Variants in KLHL36 observed in about 807,000 individuals in gnomAD.
KLHL36 encodes the protein kelch-like protein 36.
Under a neutral mutation model 53.3 loss-of-function variants are expected in KLHL36, and 35 were observed. That is an observed-to-expected ratio of 0.66 (90% CI 0.50 to 0.87). The LOEUF is 0.87. Among genes scored for constraint, KLHL36 ranks in the 40% least tolerant of loss-of-function variants. KLHL36 has a pLI of 0.00. For synonymous variants in KLHL36, 472 were observed against 398.9 expected (o/e 1.18, Z -2.18); for missense variants, 864 against 897.6 (o/e 0.96, Z 0.48).
Position 84,661,527 on chromosome 16 carries a change from G to T in KLHL36, c.1296-51G>T. On this transcript the variant is annotated intron_variant, in intron 4 of 4. Coordinates refer to ENST00000564996, the MANE Select transcript of KLHL36 (RefSeq NM_024731.4). The surrounding 1 kb of genome is among the most constrained non-coding windows in gnomAD (Gnocchi z 7.9). ...CTGTTCCCCGGCTCGGAGGGGGTAA[G>T]CCTGGCACAGCCCTGAGCTCTCCCT... 1 of 1,522,112 alleles carries T rather than the reference G, an allele frequency of 6.6e-7. No individual in the cohort carries two copies. The highest frequency in any genetic ancestry group is 8.9e-7 in the Non-Finnish European group (1 of 1,129,328). The allele number at this position is 1,522,112 out of a possible 1,614,324, so 94.3% of individuals were successfully genotyped here.
intron 4 of KLHL36, among the ~76,000 whole-genome samples, chr16:84,660,268 C>T (rs1021684142): frequency 3.3e-5 from 5 of 152,092 alleles, no homozygotes; most frequent in Non-Finnish European, 5.9e-5. Context: ...TAGATCTAAG[C>T]CTCAGGCATG....
chr16:84,656,985 C>T lies in KLHL36; in HGVS notation c.178C>T (p.His60Tyr), dbSNP rs1460603878. Residue 60 changes from histidine to tyrosine, a missense_variant, in exon 3 of 5, where the codon CAT (histidine) becomes TAT (tyrosine). Physicochemically the swap from His to Tyr is moderately conservative, Grantham distance 83. Coordinates refer to ENST00000564996, the MANE Select transcript of KLHL36 (RefSeq NM_024731.4). ...GGCCGATGAGCAGCGTGTGCCAGCC[C>T]ATCGCAACCTGCTGGCCGTGTGCAG... Reference protein sequence around the residue: ...LVADEQRVPAHRNLLAVCSDY... With the variant: ...LVADEQRVPAYRNLLAVCSDY... 6.2e-7 allele frequency: 1 copy of T among 1,614,044 alleles called. No individual in the cohort carries two copies. The highest frequency in any genetic ancestry group is 8.5e-7 in the Non-Finnish European group (1 of 1,180,034).
Position 84,657,795 on chromosome 16 carries a change from C to G in KLHL36, c.988C>G (p.Pro330Ala), listed in dbSNP as rs765750342. The change falls in exon 3 of 5, where the codon CCG becomes GCG. Residue 330 changes from proline to alanine, a missense_variant. By Grantham distance (27) the Pro-to-Ala change is conservative (BLOSUM62 -1). Transcript: ENST00000564996. ...AKSEQWVKET[P>A]LPARRSHHCV... Reference sequence around the variant, plus strand: ...GAGCGAGCAGTGGGTCAAAGAGACGCCGCTGCCCGCCCGGCGGAGCCACCA... The same window carrying G: ...GAGCGAGCAGTGGGTCAAAGAGACGGCGCTGCCCGCCCGGCGGAGCCACCA... 1 of 1,606,472 alleles carries G rather than the reference C, an allele frequency of 6.2e-7. No individual in the cohort carries two copies. The highest frequency in any genetic ancestry group is 1.1e-5 in the South Asian group (1 of 90,786).
At position 84,657,125 on chromosome 16, in the gene KLHL36, C is replaced by T. The variant is rs765796500; in HGVS notation, c.318C>T (p.Gly106=). Residue 106 remains glycine, a synonymous_variant, in exon 3 of 5, where the codon GGC becomes GGT. Coordinates refer to ENST00000564996, the MANE Select transcript of KLHL36 (RefSeq NM_024731.4). ...GLKAVVDFLY[G]GELVLDGGNI... is the part of the protein sequence containing the mutation. ...AGGCCGTGGTGGACTTCCTGTACGG[C>T]GGGGAGCTGGTGCTGGATGGCGGCA... 24 of 1,614,024 alleles carry T rather than the reference C, an allele frequency of 1.5e-5. No individual in the cohort carries two copies. In the Middle Eastern group the frequency reaches 4.9e-4, roughly 33 times the overall value.
At chr16:84,652,250 T>A (rs1173904279) in intron 2 of KLHL36, among the ~76,000 whole-genome samples, 1 of 152,176 alleles carries the variant, frequency 6.6e-6, no homozygotes, top group Non-Finnish European at 1.5e-5. Context: ...ACTAGGCTTC[T>A]GTATCACTGG....
chr16:84,651,290 T>A (rs561065413), intron 2 of KLHL36, among the ~76,000 whole-genome samples: 2 of 152,164 alleles, frequency 1.3e-5, no homozygotes, highest in Non-Finnish European at 2.9e-5. Context: ...GACAGGTCCA[T>A]TGAGAACCCA....
chr16:84,656,804 G>A, intron 2 of KLHL36, 67 bp from the exon 3 acceptor site: 3 of 1,138,420 alleles, frequency 2.6e-6, no homozygotes, highest in Non-Finnish European at 3.8e-6. Flanking sequence ...TGCTGGTCAG[G>A]ACCCACTGGG....
chr16:84,659,712 C>CTGT lies in KLHL36; in HGVS notation c.1138-47_1138-45dup, dbSNP rs750090889. 4 of 1,589,198 alleles carry CTGT rather than the reference C, an allele frequency of 2.5e-6. No individual in the cohort carries two copies. The South Asian group carries it at 4.5e-5, about 18-fold the overall frequency. On this transcript the variant is annotated intron_variant, in intron 3 of 4. Coordinates refer to ENST00000564996, the MANE Select transcript of KLHL36 (RefSeq NM_024731.4). The stretch of plus-strand genomic sequence containing the variant: ...GGAACCGCAGCGCCAGATGTTGATG[C>CTGT]TGTCCCGGGTTCGGGGAAGGGAAGG...
At chr16:84,653,926 T>C (rs1019789062) in intron 2 of KLHL36, among the ~76,000 whole-genome samples, 1 of 151,632 alleles carries the variant, frequency 6.6e-6, no homozygotes, top group Non-Finnish European at 1.5e-5. Context: ...CAGAAGCAGA[T>C]TGCAGCTGAT....
chr16:84,650,789 C>T, intron 1 of KLHL36, 63 bp from the exon 2 acceptor site: 4 of 1,191,354 alleles, frequency 3.4e-6, no homozygotes, highest in Admixed American at 1.9e-5. Flanking sequence ...GCTAGCAGGG[C>T]CTGAAATTAA....
At chr16:84,658,244 C>G in intron 3 of KLHL36, 1 of 282,730 alleles carries the variant, frequency 3.5e-6, no homozygotes, top group Non-Finnish European at 6.5e-6. Flanking sequence ...CCGCATGTGG[C>G]GACTGAGCAC....
rs1262531870 is a variant in KLHL36 at position 84,663,644 on chromosome 16, T to G, written c.*1511T>G. The G allele has an allele frequency of 1.3e-5, 2 of 152,258 alleles. No homozygotes were observed. Among genetic ancestry groups the G allele is most frequent in the Non-Finnish European group, 2.9e-5 (2 of 68,038 alleles). The allele number at this position is 152,258 out of a possible 1,614,324, so 9.4% of individuals were successfully genotyped here. On this transcript the variant is annotated 3_prime_UTR_variant, in exon 5 of 5. Transcript: ENST00000564996. Reference sequence around the variant, plus strand: ...TCCGAGAGCAGGTCTCGATGTCACTTGCCCTTTAAGAGGGCTCTCAGCTGC... The same window carrying G: ...TCCGAGAGCAGGTCTCGATGTCACTGGCCCTTTAAGAGGGCTCTCAGCTGC...
chr16:84,652,785 G>C, intron 2 of KLHL36, among the ~76,000 whole-genome samples: 1 of 152,176 alleles, frequency 6.6e-6, no homozygotes, highest in Non-Finnish European at 1.5e-5. Context: ...TCTTGTGTGT[G>C]GTTTCTTTTG....
In KLHL36 at chr16:84,662,176, A is replaced by G; in HGVS notation, c.*43A>G. Reference sequence around the variant, plus strand: ...GGGACCATCCTCACCGTCACCTCCCAGGGCTCTGTAGACCAGCAGCAACTT... The same window carrying G: ...GGGACCATCCTCACCGTCACCTCCCGGGGCTCTGTAGACCAGCAGCAACTT... On this transcript the variant is annotated 3_prime_UTR_variant, in exon 5 of 5. Coordinates refer to ENST00000564996, the MANE Select transcript of KLHL36 (RefSeq NM_024731.4). The G allele has an allele frequency of 2.8e-6, 4 of 1,437,866 alleles. No individual in the cohort carries two copies. The highest frequency in any genetic ancestry group is 3.7e-6 in the Non-Finnish European group (4 of 1,087,394). 89.1% of individuals were successfully genotyped at this position (1,437,866 alleles called of 1,614,324 possible). A position where few individuals can be genotyped will look rare whatever the true frequency, so the allele number is the denominator to read the frequency against.
Position 84,659,845 on chromosome 16 carries a change from A to G in KLHL36, c.1223A>G (p.Asn408Ser). 6.2e-7 allele frequency: 1 copy of G among 1,614,130 alleles called. No individual in the cohort carries two copies. Among genetic ancestry groups the G allele is most frequent in the Non-Finnish European group, 8.5e-7 (1 of 1,180,004 alleles). Reference sequence around the variant, plus strand: ...GTGGCCATCGGCGGCCGGAATGAGAACGGAGCGCTCTCTTCAGTAGAGACG... The same window carrying G: ...GTGGCCATCGGCGGCCGGAATGAGAGCGGAGCGCTCTCTTCAGTAGAGACG... ...MLVAIGGRNE[N>S]GALSSVETYS... Residue 408 changes from asparagine to serine, a missense_variant, in exon 4 of 5, where the codon AAC becomes AGC. Transcript: ENST00000564996.
chr16:84,654,759 C>T (rs767335912), intron 2 of KLHL36, among the ~76,000 whole-genome samples: 2 of 152,120 alleles, frequency 1.3e-5, no homozygotes, highest in African/African-American at 2.4e-5. Flanking sequence ...GACAGGCGCC[C>T]GCCACCACAA....
chr16:84,663,357 G>T lies in KLHL36; in HGVS notation c.*1224G>T, dbSNP rs939062229. ...CGGATGGCATCCCCTTCAGGATGTG[G>T]AGCTGGCCTGCACTGACTCCTGCAA... On this transcript the variant is annotated 3_prime_UTR_variant, in exon 5 of 5. Coordinates refer to ENST00000564996, the MANE Select transcript of KLHL36 (RefSeq NM_024731.4). The T allele has an allele frequency of 1.3e-5, 2 of 152,432 alleles. No homozygotes were observed. The highest frequency in any genetic ancestry group is 4.8e-5 in the African/African-American group (2 of 41,572). The allele number at this position is 152,432 out of a possible 1,614,324, so 9.4% of individuals were successfully genotyped here. A position where few individuals can be genotyped will look rare whatever the true frequency, so the allele number is the denominator to read the frequency against.
chr16:84,658,103 T>G, intron 3 of KLHL36, 159 bp downstream of exon 3: 1 of 594,792 alleles, frequency 1.7e-6, no homozygotes, highest in Non-Finnish European at 2.8e-6. Flanking sequence ...GGGGCCTACA[T>G]CCTGGACAGG....
chr16:84,659,730 A>G (rs371806004), intron 3 of KLHL36, 30 bp from the exon 4 acceptor site: 118 of 1,605,692 alleles, frequency 7.3e-5, no homozygotes, highest in Non-Finnish European at 9.9e-5. Context: ...GGTTCGGGGA[A>G]GGGAAGGTAC....
Sources: gnomAD v4.1 joint callset for allele counts (sites outside exome capture counted in the v4.1 genomes callset) on GRCh38, gnomAD v4.1.1 for gene constraint, Gnocchi (gnomAD v3.1) non-coding constraint, MANE v1.5 for transcripts, NCBI Gene and HGNC (gene_info 2026-07-23, HGNC 2026-07-21) for gene names.